The following ZNF236 variants were observed in gnomAD, a reference collection of about 807,000 sequenced individuals.
ZNF236 encodes the protein regulated by glucose.
In ZNF236, 50 loss-of-function variants were observed where a neutral mutation model predicts 191.2. The observed-to-expected ratio is 0.26, with a 90% CI of 0.21 to 0.33. The LOEUF (loss-of-function observed/expected upper bound fraction) is 0.33, where lower values mean the gene tolerates loss of function less well. Among genes scored for constraint, ZNF236 ranks in the 10% least tolerant of loss-of-function variants. The pLI, the probability that ZNF236 is intolerant of heterozygous loss-of-function variation, is 1.00. For missense variants in ZNF236, 1,754 were observed against 2,374.5 expected, an observed-to-expected ratio of 0.74 and a Z score of 5.43; for synonymous variants, 907 against 928.8, an observed-to-expected ratio of 0.98 and a Z score of 0.43.
Position 76,968,470 on chromosome 18 carries a change from C to A in ZNF236, c.*131C>A. 2 of 1,450,552 alleles carry A rather than the reference C, an allele frequency of 1.4e-6. No homozygotes were observed. The highest frequency in any genetic ancestry group is 2.7e-5 in the East Asian group (1 of 37,372). The allele number at this position is 1,450,552 out of a possible 1,614,324, so 89.9% of individuals were successfully genotyped here. A position where few individuals can be genotyped will look rare whatever the true frequency, so the allele number is the denominator to read the frequency against. Reference sequence around the variant, plus strand: ...AATAGTTTTTTATCTATAAAATTATCTAAAGAATCATTGTCTTTCAGAGAC... The same window carrying A: ...AATAGTTTTTTATCTATAAAATTATATAAAGAATCATTGTCTTTCAGAGAC... On this transcript the variant is annotated 3_prime_UTR_variant, in exon 31 of 31. Transcript: ENST00000320610.
intron 3 of ZNF236, among the ~76,000 whole-genome samples, chr18:76,867,972 A>G (rs1051013272): frequency 6.6e-6 from 1 of 152,024 alleles, no homozygotes; most frequent in African/African-American, 2.4e-5. Context: ...TAGTAGCCAC[A>G]TTTTTAAAAG....
rs1968640963 is a variant in ZNF236 at position 76,960,526 on chromosome 18, T to C, written c.5243-153T>C. 6.6e-6 allele frequency among the ~76,000 whole-genome samples: 1 copy of C among 152,176 alleles called. No homozygotes were observed. Among genetic ancestry groups the C allele is most frequent in the Non-Finnish European group, 1.5e-5 (1 of 68,032 alleles). ...GGCCAGGCTCCCTCTGGTCTCCCTA[T>C]GGCTCCTCCAGCCCTTTGTTCAGAT... On this transcript the variant is annotated intron_variant, in intron 29 of 30. Coordinates refer to ENST00000320610, the MANE Select transcript of ZNF236 (RefSeq NM_001306089.2). This position sits in a 1 kb window ranked among gnomAD's most constrained non-coding sequence, Gnocchi z 4.4.
intron 5 of ZNF236, among the ~76,000 whole-genome samples, chr18:76,874,137 C>T (rs887511273): frequency 1.3e-4 from 20 of 150,382 alleles, no homozygotes; most frequent in African/African-American, 3.4e-4. Flanking sequence ...GAGCCGTGAC[C>T]GGGCCACACT....
At chr18:76,849,382 T>G in intron 1 of ZNF236, 144 bp from the exon 2 acceptor site, 1 of 588,738 alleles carries the variant, frequency 1.7e-6, no homozygotes, top group Non-Finnish European at 2.8e-6. Context: ...ATTAAAAAAA[T>G]TCAGTATATC....
chr18:76,879,601 C>T (rs540074954), intron 7 of ZNF236, among the ~76,000 whole-genome samples: 66 of 152,248 alleles, frequency 4.3e-4, no homozygotes, highest in Middle Eastern at 3.4e-3. Flanking sequence ...TTCGGATTCC[C>T]GAGCCCTGCA....
chr18:76,889,588 A>G (rs184328165), intron 9 of ZNF236, among the ~76,000 whole-genome samples: 45 of 152,370 alleles, frequency 3.0e-4, no homozygotes, highest in Middle Eastern at 6.8e-3. Flanking sequence ...TCTCATCTGT[A>G]AGGTGGGACT....
intron 1 of ZNF236, chr18:76,849,117 A>G (rs993444200): frequency 6.4e-6 from 1 of 155,310 alleles, no homozygotes; most frequent in African/African-American, 2.4e-5. Flanking sequence ...AACAATGTGG[A>G]TTATTGATGA....
At chr18:76,852,332 G>GGA (rs1412813830) in intron 3 of ZNF236, among the ~76,000 whole-genome samples, 4 of 152,196 alleles carry the variant, frequency 2.6e-5, no homozygotes, top group African/African-American at 9.6e-5. Flanking sequence ...TCCTCTGACT[G>GGA]TGAGAATCTG....
At position 76,960,688 on chromosome 18, in the gene ZNF236, C is replaced by T. The variant is rs774288245; in HGVS notation, c.5252C>T (p.Pro1751Leu). The T allele has an allele frequency of 6.2e-6, 10 of 1,614,032 alleles. No homozygotes were observed. The highest frequency in any genetic ancestry group is 1.7e-5 in the Admixed American group (1 of 59,994). Residue 1751 changes from proline to leucine, a missense_variant, in exon 30 of 31, where the codon CCG becomes CTG. Pro to Leu is a moderately conservative substitution (Grantham distance 98, BLOSUM62 -3). This residue lies in a region of ZNF236 where 606 missense variants were observed against 761.5 expected (regional missense o/e 0.80). Transcript: ENST00000320610. This position sits in a 1 kb window ranked among gnomAD's most constrained non-coding sequence, Gnocchi z 4.4. ...RHSRIHTGER[P>L]FHCTLCEKAF... ...GCCATTTTCTGTACAGGGGAGCGGC[C>T]GTTCCATTGCACGCTTTGTGAGAAA...
At chr18:76,934,201 G>A (rs1419352344) in intron 25 of ZNF236, among the ~76,000 whole-genome samples, 1 of 152,206 alleles carries the variant, frequency 6.6e-6, no homozygotes, top group Non-Finnish European at 1.5e-5. Context: ...AGGGATTTGC[G>A]ATGAATCCAG....
Position 76,968,848 on chromosome 18 carries a change from A to G in ZNF236, c.*509A>G. The G allele has an allele frequency of 1.0e-6, 1 of 987,282 alleles. No homozygotes were observed. Among genetic ancestry groups the G allele is most frequent in the Non-Finnish European group, 1.2e-6 (1 of 831,312 alleles). 61.2% of individuals were successfully genotyped at this position (987,282 alleles called of 1,614,324 possible). ...ACTCTTTTCTCTGTGCATTTTGAAA[A>G]TTAGTCAAAATGGACTCTTTTCAGT... On this transcript the variant is annotated 3_prime_UTR_variant, in exon 31 of 31. Coordinates refer to ENST00000320610, the MANE Select transcript of ZNF236 (RefSeq NM_001306089.2).
In ZNF236 at chr18:76,881,393, G is replaced by C. The variant is rs1976890637; in HGVS notation, c.1298G>C (p.Ser433Thr). 2.5e-6 allele frequency: 4 copies of C among 1,614,000 alleles called. No homozygotes were observed. In the South Asian group the frequency reaches 4.4e-5, roughly 18 times the overall value. Residue 433 changes from serine to threonine, a missense_variant, in exon 9 of 31, where the codon AGC becomes ACC. By Grantham distance (58) the Ser-to-Thr change is moderately conservative. This residue lies in a region of ZNF236 where 126 missense variants were observed against 110.9 expected (regional missense o/e 1.14). Transcript: ENST00000320610. The stretch of plus-strand genomic sequence containing the variant: ...CACGCTCAAAACCCAGATGTTTCCA[G>C]CGTTTCAAATGAGCAGACGGACCCC... ...APHAQNPDVS[S>T]VSNEQTDPTD...
chr18:76,859,609 A>G (rs1169137344), intron 3 of ZNF236, among the ~76,000 whole-genome samples: 1 of 152,084 alleles, frequency 6.6e-6, no homozygotes, highest in African/African-American at 2.4e-5. Context: ...TTGATCTTTA[A>G]CCACAGCAAC....
Position 76,895,201 on chromosome 18 carries a change from G to A in ZNF236, c.1606G>A (p.Gly536Ser), listed in dbSNP as rs368740483. 6.2e-7 allele frequency: 1 copy of A among 1,602,674 alleles called. No individual in the cohort carries two copies. Among genetic ancestry groups the A allele is most frequent in the Non-Finnish European group, 8.5e-7 (1 of 1,179,962 alleles). The stretch of plus-strand genomic sequence containing the variant: ...GACAGCGCACATCAAGACGCACACC[G>A]GCATCAAGGCGTTCAAGTGCCAGTA... ...TLTAHIKTHT[G>S]IKAFKCQYCM... Residue 536 changes from glycine to serine, a missense_variant, in exon 10 of 31, where the codon GGC (glycine) becomes AGC (serine). Physicochemically the swap from Gly to Ser is moderately conservative, Grantham distance 56. Transcript: ENST00000320610.
chr18:76,962,091 T>C (rs769344828), intron 30 of ZNF236, among the ~76,000 whole-genome samples: 10 of 152,012 alleles, frequency 6.6e-5, no homozygotes, highest in Non-Finnish European at 1.5e-4. Flanking sequence ...CAGCTATTTA[T>C]CTTTGTTTTT....
At chr18:76,883,362 C>CTTTTTTTTTTT (rs10581368) in intron 9 of ZNF236, among the ~76,000 whole-genome samples, 1 of 93,084 alleles carries the variant, frequency 1.1e-5, no homozygotes. Flanking sequence ...GGAGCCAGTG[C>CTTTTTTTTTTT]TTTTTTTTTT....
At position 76,956,005 on chromosome 18, in the gene ZNF236, C is replaced by G; in HGVS notation, c.4935C>G (p.Asn1645Lys). The change falls in exon 28 of 31, where the codon AAC becomes AAG. Residue 1645 changes from asparagine to lysine, a missense_variant. Physicochemically the swap from Asn to Lys is moderately conservative, Grantham distance 94. Around this residue, in one of 5 missense-constraint regions of ZNF236, gnomAD observed 606 missense variants for 761.5 expected, o/e 0.80. Transcript: ENST00000320610. ...TCCAGGTAGCTGGCGTCTCTGGGAA[C>G]CTGGCCCCGGGCAACCAGCCAGAGA... ...IAYQVAGVSGNLAPGNQPEKE... is the reference protein window; with the variant it reads ...IAYQVAGVSGKLAPGNQPEKE... The G allele has an allele frequency of 6.2e-7, 1 of 1,609,980 alleles. No individual in the cohort carries two copies. The highest frequency in any genetic ancestry group is 8.5e-7 in the Non-Finnish European group (1 of 1,179,330).
intron 26 of ZNF236, among the ~76,000 whole-genome samples, chr18:76,942,648 A>G (rs961821154): frequency 9.9e-5 from 15 of 151,104 alleles, no homozygotes; most frequent in Non-Finnish European, 1.8e-4. Flanking sequence ...AGTAGCTGGG[A>G]CCACAGGCGC....
At chr18:76,959,544 G>A in intron 28 of ZNF236, 143 bp from the exon 29 acceptor site, 3 of 974,306 alleles carry the variant, frequency 3.1e-6, no homozygotes, top group Non-Finnish European at 4.3e-6. Flanking sequence ...ATGCATTGAA[G>A]TCCTTAAGAA....
Sources: allele counts gnomAD v4.1 joint callset (sites outside exome capture counted in the v4.1 genomes callset), GRCh38; gene constraint gnomAD v4.1.1; regional missense constraint gnomAD v4.1.1; non-coding constraint Gnocchi (gnomAD v3.1); transcripts MANE v1.5; gene names NCBI Gene and HGNC (gene_info 2026-07-23, HGNC 2026-07-21).